Variants in CEP128 observed in about 807,000 individuals in gnomAD.
CEP128 encodes centrosomal protein 128kDa.
CEP128 carries 132 observed loss-of-function variants against 156.7 expected under a neutral mutation model. The ratio of observed to expected loss-of-function variants is 0.84; its 90% CI spans 0.73 to 0.97. The LOEUF (loss-of-function observed/expected upper bound fraction) is 0.97, where lower values mean the gene tolerates loss of function less well. Ranked by LOEUF, CEP128 falls within the 50% of genes least tolerant of loss-of-function variation. The probability of loss-of-function intolerance (pLI) is 0.00; values close to 1 mark genes in which losing one functional copy is unlikely to be tolerated. For missense variants in CEP128, 1,252 were observed against 1,281.9 expected (o/e 0.98, Z 0.36); for synonymous variants, 469 against 448.9 (o/e 1.04, Z -0.57).
chr14:80,825,655 C>T (rs76773667), intron 13 of CEP128, among the ~76,000 whole-genome samples: 1 of 152,034 alleles, frequency 6.6e-6, no homozygotes, highest in East Asian at 1.9e-4. Flanking sequence ...ATATTCAGTC[C>T]ACTTCTGCTT....
chr14:80,523,309 C>G (rs985228185), intron 23 of CEP128, among the ~76,000 whole-genome samples: 6 of 152,210 alleles, frequency 3.9e-5, no homozygotes, highest in African/African-American at 1.4e-4. Context: ...TTTTCTTGTG[C>G]TTTGTCCTTA....
intron 23 of CEP128, among the ~76,000 whole-genome samples, chr14:80,511,674 C>A (rs574030793): frequency 6.6e-6 from 1 of 151,688 alleles, no homozygotes; most frequent in African/African-American, 2.4e-5. Context: ...CTTTAAGATG[C>A]ATCACTCAGT....
At chr14:80,926,056 G>A (rs1277438003) in intron 2 of CEP128, among the ~76,000 whole-genome samples, 2 of 152,186 alleles carry the variant, frequency 1.3e-5, no homozygotes, top group Non-Finnish European at 2.9e-5. Context: ...GGTTAACTGA[G>A]GCAGTGGTCA....
chr14:80,909,211 C>CT (rs1296268285), intron 4 of CEP128, among the ~76,000 whole-genome samples: 6 of 151,864 alleles, frequency 4.0e-5, no homozygotes, highest in Non-Finnish European at 5.9e-5. Context: ...TTATTTTTTA[C>CT]TTTTTTTTCA....
intron 8 of CEP128, among the ~76,000 whole-genome samples, chr14:80,879,185 A>T (rs1888416879): frequency 6.6e-6 from 1 of 152,188 alleles, no homozygotes; most frequent in East Asian, 1.9e-4. Context: ...GCCCATCTGC[A>T]GCTAAATGTT....
intron 13 of CEP128, among the ~76,000 whole-genome samples, chr14:80,801,237 T>C (rs576026456): frequency 3.3e-4 from 50 of 152,328 alleles, no homozygotes; most frequent in Admixed American, 7.8e-4. Flanking sequence ...TTTGTTTCTC[T>C]TGCCTGACTG....
At chr14:80,728,910 C>T (rs772611574) in intron 19 of CEP128, among the ~76,000 whole-genome samples, 8 of 152,270 alleles carry the variant, frequency 5.3e-5, no homozygotes, top group Admixed American at 2.6e-4. Context: ...TTTGTCACTT[C>T]CATGCTGCCA....
intron 19 of CEP128, among the ~76,000 whole-genome samples, chr14:80,732,471 G>GGCGTGT (rs1555396234): frequency 7.8e-6 from 1 of 127,646 alleles, no homozygotes; most frequent in African/African-American, 3.0e-5. Flanking sequence ...TGATTAAGCA[G>GGCGTGT]GTGTGTGTGT....
At chr14:80,763,388 A>G (rs1470260869) in intron 16 of CEP128, among the ~76,000 whole-genome samples, 1 of 152,152 alleles carries the variant, frequency 6.6e-6, no homozygotes, top group Non-Finnish European at 1.5e-5. Flanking sequence ...TCTTGCTCAT[A>G]TCTAGGAGTT....
intron 21 of CEP128, among the ~76,000 whole-genome samples, chr14:80,532,498 A>G (rs1402896504): frequency 6.6e-6 from 1 of 152,130 alleles, no homozygotes; most frequent in East Asian, 1.9e-4. Context: ...TTTCCCCCAC[A>G]GCATATACTT....
intron 8 of CEP128, among the ~76,000 whole-genome samples, chr14:80,891,710 T>C (rs779735732): frequency 6.6e-6 from 1 of 152,058 alleles, no homozygotes; most frequent in African/African-American, 2.4e-5. Context: ...GAATTGTTTG[T>C]AACAAAGAAT....
intron 2 of CEP128, among the ~76,000 whole-genome samples, chr14:80,948,321 T>G (rs938865296): frequency 2.6e-5 from 4 of 152,232 alleles, no homozygotes; most frequent in Admixed American, 2.6e-4. Context: ...TAGCCATTCA[T>G]TGTGCTGAAG....
chr14:80,531,468 T>G (rs1174294115), intron 21 of CEP128, among the ~76,000 whole-genome samples: 1 of 152,236 alleles, frequency 6.6e-6, no homozygotes, highest in East Asian at 1.9e-4. Flanking sequence ...CAGTCTTTAA[T>G]TAGCTGATCA....
chr14:80,530,189 C>T (rs78990438), intron 22 of CEP128, among the ~76,000 whole-genome samples: 1 of 152,268 alleles, frequency 6.6e-6, no homozygotes, highest in East Asian at 1.9e-4. Flanking sequence ...CTATATACGA[C>T]GTTCTTGGGA....
At chr14:80,882,281 C>A (rs1467190015) in intron 8 of CEP128, among the ~76,000 whole-genome samples, 1 of 151,974 alleles carries the variant, frequency 6.6e-6, no homozygotes, top group East Asian at 1.9e-4. Flanking sequence ...ATAGACATTT[C>A]TCAAAAGAAG....
intron 19 of CEP128, among the ~76,000 whole-genome samples, chr14:80,633,482 G>T (rs1048787014): frequency 1.6e-5 from 2 of 125,470 alleles, no homozygotes; most frequent in African/African-American, 5.3e-5. Context: ...TTCTTCTCCA[G>T]TGTCTTCTGC....
intron 15 of CEP128, among the ~76,000 whole-genome samples, chr14:80,779,967 T>C (rs1356734602): frequency 6.6e-6 from 1 of 152,182 alleles, no homozygotes; most frequent in African/African-American, 2.4e-5. Context: ...ACTCCAATCC[T>C]GCATCTTCTG....
At chr14:80,579,937 G>C (rs999378648) in intron 20 of CEP128, among the ~76,000 whole-genome samples, 20 of 152,190 alleles carry the variant, frequency 1.3e-4, no homozygotes, top group Admixed American at 3.3e-4. Context: ...GAATTGAGAG[G>C]CTGTACAAGG....
At chr14:80,810,324 A>C (rs1433762049) in intron 13 of CEP128, among the ~76,000 whole-genome samples, 1 of 86,642 alleles carries the variant, frequency 1.2e-5, no homozygotes, top group Non-Finnish European at 2.2e-5. Flanking sequence ...CTCCATCTCC[A>C]AAAAAAAAAA....
Sources: allele counts gnomAD v4.1 joint callset (sites outside exome capture counted in the v4.1 genomes callset), GRCh38; gene constraint gnomAD v4.1.1; transcripts MANE v1.5; gene names NCBI Gene and HGNC (gene_info 2026-07-23, HGNC 2026-07-21).